MEGF8: variants seen among roughly 807,000 people sequenced by gnomAD.
MEGF8 encodes the protein multiple epidermal growth factor-like domains protein 8.
MEGF8 carries 156 observed loss-of-function variants against 302.9 expected under a neutral mutation model. The ratio of observed to expected loss-of-function variants is 0.52; its 90% confidence interval spans 0.45 to 0.59. The LOEUF (loss-of-function observed/expected upper bound fraction) is 0.59. Ranked by LOEUF, MEGF8 falls within the 20% of genes least tolerant of loss-of-function variation. The pLI is 0.00. For missense variants in MEGF8, 3,345 were observed against 3,964.5 expected (o/e 0.84, Z 4.20); for synonymous variants, 1,621 against 1,660.5 (o/e 0.98, Z 0.58).
chr19:42,359,693 A>G (rs1251548639), intron 31 of MEGF8, among the ~76,000 whole-genome samples: 4 of 150,744 alleles, frequency 2.7e-5, no homozygotes, highest in Non-Finnish European at 4.4e-5. Flanking sequence ...CTCTTTTTCT[A>G]TTTTTATTAG....
chr19:42,343,598 G>A lies in MEGF8; in HGVS notation c.1635G>A (p.Val545=). ...RPRGDLMAYK[V]PPFVFQAPAP... is the part of the protein sequence containing the mutation. ...GTGGGGACTTGATGGCGTACAAGGT[G>A]CCCCCCTTTGTGTTCCAGGCACCTG... Residue 545 remains valine, a synonymous_variant, in exon 9 of 42, where the codon GTG becomes GTA. Coordinates refer to ENST00000251268, the MANE Select transcript of MEGF8 (RefSeq NM_001271938.2). 6.2e-7 allele frequency: 1 copy of A among 1,611,546 alleles called. No homozygotes were observed. Among genetic ancestry groups the A allele is most frequent in the Non-Finnish European group, 8.5e-7 (1 of 1,178,808 alleles).
chr19:42,360,753 T>A, intron 31 of MEGF8, 22 bp from the exon 32 acceptor site: 2 of 1,557,084 alleles, frequency 1.3e-6, no homozygotes, highest in Non-Finnish European at 8.7e-7. Context: ...TCTATCTGTC[T>A]GAATACACCA....
chr19:42,360,736 C>T (rs1336347815), intron 31 of MEGF8, 39 bp from the exon 32 acceptor site: 3 of 1,550,576 alleles, frequency 1.9e-6, no homozygotes, highest in Non-Finnish European at 2.6e-6. Context: ...CCTGGAGTCT[C>T]CTGCTCTCTA....
At position 42,351,321 on chromosome 19, in the gene MEGF8, C is replaced by T. The variant is rs1283163475; in HGVS notation, c.2842C>T (p.Pro948Ser). 1 of 1,567,796 alleles carries T rather than the reference C, an allele frequency of 6.4e-7. No individual in the cohort carries two copies. Among genetic ancestry groups the T allele is most frequent in the Admixed American group, 1.9e-5 (1 of 52,552 alleles). The change falls in exon 16 of 42, where the codon CCG becomes TCG. Residue 948 changes from proline to serine, a missense_variant. Transcript: ENST00000251268. This position sits in a 1 kb window ranked among gnomAD's most constrained non-coding sequence, Gnocchi z 5.6. ...CCTGAAGAGTCCAGAGGAGTGTCCC[C>T]CGCTCTGCAGCCAGTGAGTCAGGCT... ...GALKSPEECP[P>S]LCSQRLTCED... is the part of the protein sequence containing the mutation.
Position 42,352,686 on chromosome 19 carries a change from C to A in MEGF8, c.3350+230C>A. On this transcript the variant is annotated intron_variant, in intron 19 of 41. Coordinates refer to ENST00000251268, the MANE Select transcript of MEGF8 (RefSeq NM_001271938.2). The surrounding 1 kb of genome is among the most constrained non-coding windows in gnomAD (Gnocchi z 4.4). ...ATAGGCTGTGGGCCATAGTCTTCAG[C>A]GTTGCCATGGAGGCGGAGGAGGACC... 1 of 667,248 alleles carries A rather than the reference C, an allele frequency of 1.5e-6. No individual in the cohort carries two copies. The highest frequency in any genetic ancestry group is 2.5e-6 in the Non-Finnish European group (1 of 398,536). 41.3% of individuals were successfully genotyped at this position (667,248 alleles called of 1,614,324 possible). A position where few individuals can be genotyped will look rare whatever the true frequency, so the allele number is the denominator to read the frequency against.
Position 42,358,679 on chromosome 19 carries a change from G to A in MEGF8, c.5176-108G>A. On this transcript the variant is annotated intron_variant, in intron 29 of 41. Coordinates refer to ENST00000251268, the MANE Select transcript of MEGF8 (RefSeq NM_001271938.2). The surrounding 1 kb of genome is among the most constrained non-coding windows in gnomAD (Gnocchi z 4.4). ...GGGAGCCCTGTCTGCACTGGTTAGA[G>A]AGGCTGGTGGTTTCAGTCCACACGT... The A allele has an allele frequency of 2.3e-6, 3 of 1,318,788 alleles. No individual in the cohort carries two copies. Among genetic ancestry groups the A allele is most frequent in the Non-Finnish European group, 3.1e-6 (3 of 982,802 alleles). The allele number at this position is 1,318,788 out of a possible 1,614,324, so 81.7% of individuals were successfully genotyped here.
At position 42,352,680 on chromosome 19, in the gene MEGF8, C is replaced by T. The variant is rs1015606503; in HGVS notation, c.3350+224C>T. On this transcript the variant is annotated intron_variant, in intron 19 of 41. Transcript: ENST00000251268. The surrounding 1 kb of genome is among the most constrained non-coding windows in gnomAD (Gnocchi z 4.4). ...GCACCCATAGGCTGTGGGCCATAGTCTTCAGCGTTGCCATGGAGGCGGAGG... is the reference window on the plus strand; with the variant it reads ...GCACCCATAGGCTGTGGGCCATAGTTTTCAGCGTTGCCATGGAGGCGGAGG... 4 of 675,078 alleles carry T rather than the reference C, an allele frequency of 5.9e-6. No individual in the cohort carries two copies. Among genetic ancestry groups the T allele is most frequent in the African/African-American group, 1.8e-5 (1 of 55,196 alleles). The allele number at this position is 675,078 out of a possible 1,614,324, so 41.8% of individuals were successfully genotyped here.
chr19:42,370,115 C>G lies in MEGF8; in HGVS notation c.6835-74C>G, dbSNP rs148720097. ...CCCTCCCGTGGGCTCTCAGAACCTG[C>G]CCCTGTGCCCCCAACGCCCTCCTAC... On this transcript the variant is annotated intron_variant, in intron 38 of 41. Transcript: ENST00000251268. The G allele has an allele frequency of 4.8e-5, 72 of 1,491,496 alleles. No individual in the cohort carries two copies. The East Asian group carries it at 1.2e-3, about 25-fold the overall frequency. The allele number at this position is 1,491,496 out of a possible 1,614,324, so 92.4% of individuals were successfully genotyped here.
In MEGF8 at chr19:42,326,310, C is replaced by G. The variant is rs1763076893; in HGVS notation, c.67C>G (p.Pro23Ala). ...LALAVLGSLSPGARAGDCKGQ... is the reference protein window; with the variant it reads ...LALAVLGSLSAGARAGDCKGQ... ...CTTGGCCGTGCTGGGGTCGCTGTCC[C>G]CTGGGGCCCGGGCGGGGGACTGCAA... Residue 23 changes from proline to alanine, a missense_variant, in exon 1 of 42, where the codon CCT (proline) becomes GCT (alanine). Transcript: ENST00000251268. 3.2e-6 allele frequency: 5 copies of G among 1,563,236 alleles called. No individual in the cohort carries two copies. The highest frequency in any genetic ancestry group is 2.8e-5 in the African/African-American group (2 of 70,704).
chr19:42,341,403 T>G (rs1393183474), intron 8 of MEGF8, among the ~76,000 whole-genome samples: 2 of 126,042 alleles, frequency 1.6e-5, no homozygotes, highest in African/African-American at 3.1e-5. Context: ...CACTCCAGCC[T>G]GGGTAACAGA....
In MEGF8 at chr19:42,371,229, A is replaced by T. The variant is rs2147511651; in HGVS notation, c.7137-121A>T. On this transcript the variant is annotated intron_variant, in intron 40 of 41. Coordinates refer to ENST00000251268, the MANE Select transcript of MEGF8 (RefSeq NM_001271938.2). ...TTTGTGGCCTTGGGCAAACAGCTTG[A>T]CCTCTGTGAACCTCAGTTTCCTCTT... The T allele has an allele frequency of 2.2e-6, 3 of 1,346,652 alleles. No individual in the cohort carries two copies. The East Asian group carries it at 7.6e-5, about 34-fold the overall frequency. 83.4% of individuals were successfully genotyped at this position (1,346,652 alleles called of 1,614,324 possible). A position where few individuals can be genotyped will look rare whatever the true frequency, so the allele number is the denominator to read the frequency against.
At chr19:42,332,692 C>T (rs777558870) in intron 1 of MEGF8, among the ~76,000 whole-genome samples, 17 of 152,204 alleles carry the variant, frequency 1.1e-4, no homozygotes, top group Non-Finnish European at 2.2e-4. Flanking sequence ...ATCATGACAG[C>T]TGTGTTCTGA....
Position 42,353,744 on chromosome 19 carries a change from G to T in MEGF8, c.3762-31G>T. ...GACACAGTGGGGAGGGTCAGGACTG[G>T]TCTGACACTGGCTCTTCTCCATCTC... is the stretch of plus-strand genomic sequence containing the variant. On this transcript the variant is annotated intron_variant, in intron 21 of 41. Transcript: ENST00000251268. The surrounding 1 kb of genome is among the most constrained non-coding windows in gnomAD (Gnocchi z 6.1). 6 of 1,581,052 alleles carry T rather than the reference G, an allele frequency of 3.8e-6. No homozygotes were observed. Among genetic ancestry groups the T allele is most frequent in the Non-Finnish European group, 5.2e-6 (6 of 1,159,568 alleles).
At chr19:42,350,870 C>G (rs1376001630) in intron 15 of MEGF8, among the ~76,000 whole-genome samples, 1 of 152,160 alleles carries the variant, frequency 6.6e-6, no homozygotes, top group African/African-American at 2.4e-5. Context: ...CCCAGAATTG[C>G]ACTTCTGTGG....
intron 13 of MEGF8, 58 bp from the exon 14 acceptor site, chr19:42,349,441 C>T: frequency 6.7e-7 from 1 of 1,497,242 alleles, no homozygotes; most frequent in Non-Finnish European, 9.1e-7. Flanking sequence ...TATCAGGGGT[C>T]TGAGGAAGGA....
rs1161584733 is a variant in MEGF8, at chr19:42,351,294, G to A, written c.2815G>A (p.Ala939Thr). 1.3e-6 allele frequency: 2 copies of A among 1,568,794 alleles called. No homozygotes were observed. Among genetic ancestry groups the A allele is most frequent in the South Asian group, 2.3e-5 (2 of 85,498 alleles). The change falls in exon 16 of 42, where the codon GCC (alanine) becomes ACC (threonine). Residue 939 changes from alanine (A) to threonine (T), a missense_variant. Physicochemically the swap from Ala to Thr is moderately conservative, Grantham distance 58 (BLOSUM62 0). Coordinates refer to ENST00000251268, the MANE Select transcript of MEGF8 (RefSeq NM_001271938.2). This position sits in a 1 kb window ranked among gnomAD's most constrained non-coding sequence, Gnocchi z 5.6. ...CAGCCGGCGGGGCCGGGGTCGGGGT[G>A]CCCTGAAGAGTCCAGAGGAGTGTCC... ...ACSRRGRGRG[A>T]LKSPEECPPL...
rs745965273 is a variant in MEGF8 at position 42,358,228 on chromosome 19, C to T, written c.5096C>T (p.Ala1699Val). The change falls in exon 29 of 42, where the codon GCG (alanine) becomes GTG (valine). Residue 1699 changes from alanine to valine, a missense_variant. By Grantham distance (64) the Ala-to-Val change is moderately conservative. Transcript: ENST00000251268. The surrounding 1 kb of genome is among the most constrained non-coding windows in gnomAD (Gnocchi z 4.4). ...FGGFRFHVEL[A>V]APSPELYSLH... is the part of the protein sequence containing the mutation. ...GGGTTCCGATTCCATGTGGAGCTGG[C>T]GGCCCCATCCCCCGAGCTCTACTCC... The T allele has an allele frequency of 7.5e-6, 12 of 1,601,008 alleles. No homozygotes were observed. The highest frequency in any genetic ancestry group is 4.5e-5 in the East Asian group (2 of 44,016).
intron 1 of MEGF8, 89 bp from the exon 2 acceptor site, chr19:42,333,516 A>AG: frequency 7.2e-7 from 1 of 1,390,338 alleles, no homozygotes; most frequent in Non-Finnish European, 9.9e-7. Context: ...CACCTGGATC[A>AG]GGGTTTGGTG....
rs573821282 is a variant in MEGF8 at position 42,329,824 on chromosome 19, A to G, written c.187+3394A>G. On this transcript the variant is annotated intron_variant, in intron 1 of 41. Coordinates refer to ENST00000251268, the MANE Select transcript of MEGF8 (RefSeq NM_001271938.2). ...GAGGCTGAGGTCTCAGTGAGCCGAG[A>G]TTGCGCTGCTATACTCCAGCCTGGG... Among the ~76,000 whole-genome samples the G allele has an allele frequency of 1.5e-4, 23 of 150,574 alleles. No individual in the cohort carries two copies. The South Asian group carries it at 4.9e-3, about 32-fold the overall frequency.
Sources: allele counts gnomAD v4.1 joint callset (sites outside exome capture counted in the v4.1 genomes callset), GRCh38; gene constraint gnomAD v4.1.1; non-coding constraint Gnocchi (gnomAD v3.1); transcripts MANE v1.5; gene names NCBI Gene and HGNC (gene_info 2026-07-23, HGNC 2026-07-21).